Variants in COL21A1 observed in about 807,000 individuals in gnomAD.
The protein encoded by COL21A1 is collagen alpha-1(XXI) chain.
A neutral mutation model predicts 137.9 loss-of-function variants in COL21A1; 149 were observed. The observed-to-expected ratio is 1.08, with a 90% confidence interval of 0.95 to 1.24. COL21A1 has a LOEUF of 1.24. Ranked by LOEUF, COL21A1 falls within the 50% of genes most tolerant of loss-of-function variation. The pLI, the probability that COL21A1 is intolerant of heterozygous loss-of-function variation, is 0.00. For synonymous variants in COL21A1, 456 were observed against 391.5 expected (o/e 1.16, Z -1.95); for missense variants, 1,167 against 1,158.4 (o/e 1.01, Z -0.11).
In COL21A1 at chr6:56,182,517, C is replaced by T. The variant is rs577121072; in HGVS notation, c.88+14G>A. 91 of 1,541,470 alleles carry T rather than the reference C, an allele frequency of 5.9e-5. No individual in the cohort carries two copies. Among genetic ancestry groups the T allele is most frequent in the Non-Finnish European group, 1.8e-6 (2 of 1,123,980 alleles). On this transcript the variant is annotated intron_variant, in intron 2 of 29. Coordinates refer to ENST00000244728, the MANE Select transcript of COL21A1 (RefSeq NM_030820.4). Reference sequence around the variant, plus strand: ...TTGTTGATAACAAAAAAGGACAATGCTGATAGTTCTTACTTGATCTTACTT... The same window carrying T: ...TTGTTGATAACAAAAAAGGACAATGTTGATAGTTCTTACTTGATCTTACTT...
At chr6:56,184,886 T>G (rs1778163842) in intron 1 of COL21A1, among the ~76,000 whole-genome samples, 1 of 152,220 alleles carries the variant, frequency 6.6e-6, no homozygotes. Context: ...TGTCCACTTA[T>G]CATCTTTCTA....
intron 3 of COL21A1, among the ~76,000 whole-genome samples, chr6:56,174,479 T>C (rs1777303866): frequency 6.6e-6 from 1 of 151,912 alleles, no homozygotes; most frequent in Non-Finnish European, 1.5e-5. Context: ...GAAGAGATAT[T>C]ACAATTGATG....
At chr6:56,097,036 C>A (rs970489006) in intron 17 of COL21A1, among the ~76,000 whole-genome samples, 1 of 151,874 alleles carries the variant, frequency 6.6e-6, no homozygotes, top group Non-Finnish European at 1.5e-5. Context: ...TAGCTTGTTA[C>A]GCTATCTGTT....
chr6:56,132,528 G>A (rs1055366468), intron 12 of COL21A1, among the ~76,000 whole-genome samples: 5 of 152,126 alleles, frequency 3.3e-5, no homozygotes, highest in African/African-American at 1.2e-4. Flanking sequence ...GAAACAGAAT[G>A]TAAAGCCAAA....
At chr6:56,338,407 CA>C (rs1765382401) in intron 1 of COL21A1, among the ~76,000 whole-genome samples, 1 of 152,066 alleles carries the variant, frequency 6.6e-6, no homozygotes, top group African/African-American at 2.4e-5. Context: ...CCTGATTGCA[CA>C]GTTCTCTGAC....
intron 7 of COL21A1, 47 bp from the exon 8 acceptor site, chr6:56,164,869 T>G (rs1776454584): frequency 1.5e-6 from 2 of 1,333,660 alleles, no homozygotes; most frequent in African/African-American, 1.5e-5. Context: ...TAAATAAAAT[T>G]TATAAATTAT....
At chr6:56,193,655 T>C (rs1160405469) in intron 1 of COL21A1, among the ~76,000 whole-genome samples, 2 of 152,138 alleles carry the variant, frequency 1.3e-5, no homozygotes, top group African/African-American at 4.8e-5. Context: ...TTATTGTCTA[T>C]AAATTATACT....
chr6:56,161,368 G>A (rs145026319), intron 9 of COL21A1, among the ~76,000 whole-genome samples: 5 of 152,182 alleles, frequency 3.3e-5, no homozygotes, highest in Non-Finnish European at 7.3e-5. Flanking sequence ...AGCAGGGGAA[G>A]AAGCTGTTAT....
At chr6:56,297,348 TG>T (rs1292925931) in intron 1 of COL21A1, among the ~76,000 whole-genome samples, 1 of 152,086 alleles carries the variant, frequency 6.6e-6, no homozygotes, top group East Asian at 1.9e-4. Flanking sequence ...ATTACTTCAT[TG>T]TTTTTTTTAT....
At chr6:56,058,682 T>C (rs1295180585) in intron 29 of COL21A1, among the ~76,000 whole-genome samples, 2 of 152,196 alleles carry the variant, frequency 1.3e-5, no homozygotes, top group Non-Finnish European at 2.9e-5. Context: ...TAACTGTGAT[T>C]GTCTTGCACT....
At chr6:56,135,281 A>T (rs970414506) in intron 12 of COL21A1, among the ~76,000 whole-genome samples, 1 of 152,116 alleles carries the variant, frequency 6.6e-6, no homozygotes, top group Non-Finnish European at 1.5e-5. Flanking sequence ...CTTTAAAAGG[A>T]TCACAGCCCA....
chr6:56,077,673 T>C, intron 17 of COL21A1, 100 bp from the exon 18 acceptor site: 1 of 667,382 alleles, frequency 1.5e-6, no homozygotes, highest in Admixed American at 3.0e-5. Context: ...GTAAATAACA[T>C]ATTTTCAAAT....
chr6:56,244,454 C>A (rs1417426525), intron 1 of COL21A1, among the ~76,000 whole-genome samples: 2 of 152,132 alleles, frequency 1.3e-5, no homozygotes, highest in Non-Finnish European at 2.9e-5. Context: ...CTTTTTCATC[C>A]CCACAGCTAC....
Position 56,125,564 on chromosome 6 carries a change from T to C in COL21A1, c.1650+3A>G, listed in dbSNP as rs1174266019. The C allele has an allele frequency of 6.3e-7, 1 of 1,598,178 alleles. No individual in the cohort carries two copies. The highest frequency in any genetic ancestry group is 1.7e-5 in the Admixed American group (1 of 59,514). ...AATACTTTGTTGTGTGATCTATACT[T>C]CCCTTTTTGCCATAAAATCCAGGTG... On this transcript the variant is annotated splice_donor_region_variant and intron_variant, in intron 14 of 29. Coordinates refer to ENST00000244728, the MANE Select transcript of COL21A1 (RefSeq NM_030820.4).
intron 1 of COL21A1, among the ~76,000 whole-genome samples, chr6:56,371,255 C>T (rs1352445347): frequency 6.6e-6 from 1 of 152,176 alleles, no homozygotes; most frequent in Admixed American, 6.5e-5. Flanking sequence ...AGTAGATTCA[C>T]TGAAAATCCT....
chr6:56,207,793 C>A (rs1043001927), intron 1 of COL21A1, among the ~76,000 whole-genome samples: 1 of 152,172 alleles, frequency 6.6e-6, no homozygotes, highest in African/African-American at 2.4e-5. Context: ...CAATAAAATA[C>A]TGGCAAACTG....
At chr6:56,071,617 G>A (rs979449126) in intron 20 of COL21A1, among the ~76,000 whole-genome samples, 1 of 151,484 alleles carries the variant, frequency 6.6e-6, no homozygotes, top group African/African-American at 2.4e-5. Context: ...TTTGTAGGCT[G>A]CTCATGGTAA....
Position 56,097,917 on chromosome 6 carries a change from A to AAATATATAAATATATG in COL21A1, c.1812+3554_1812+3555insCATATATTTATATATT, listed in dbSNP as rs1562188574. 5.1e-3 allele frequency among the ~76,000 whole-genome samples: 136 copies of AAATATATAAATATATG among 26,546 alleles called. 11 individuals carry two copies. Among genetic ancestry groups the AAATATATAAATATATG allele is most frequent in the African/African-American group, 0.015 (125 of 8,462 alleles). The allele number at this position is 26,546 out of a possible 152,430, so 17.4% of individuals were successfully genotyped here. The stretch of plus-strand genomic sequence containing the variant: ...TAAATATATAAATATATAAATATAT[A>AAATATATAAATATATG]TAAATATATAAATATATAAAAATAT... On this transcript the variant is annotated intron_variant, in intron 17 of 29. Transcript: ENST00000244728.
intron 12 of COL21A1, among the ~76,000 whole-genome samples, chr6:56,132,294 T>C (rs1289138602): frequency 6.6e-6 from 1 of 152,072 alleles, no homozygotes; most frequent in East Asian, 1.9e-4. Context: ...CTAAAACTAA[T>C]CCATATGTGC....
Sources: allele counts gnomAD v4.1 joint callset (sites outside exome capture counted in the v4.1 genomes callset), GRCh38; gene constraint gnomAD v4.1.1; transcripts MANE v1.5; gene names NCBI Gene and HGNC (gene_info 2026-07-23, HGNC 2026-07-21).